Variants in NSUN3 observed in about 807,000 individuals in gnomAD.
NSUN3 encodes NOP2/Sun RNA methyltransferase 3.
NSUN3 carries 24 observed loss-of-function variants against 36.8 expected under a neutral mutation model. The observed-to-expected ratio is 0.65, with a 90% confidence interval of 0.47 to 0.92. The LOEUF (loss-of-function observed/expected upper bound fraction) is 0.92. NSUN3 is among the 40% of genes least tolerant of loss of function. The probability of loss-of-function intolerance (pLI) is 0.00; values close to 1 mark genes in which losing one functional copy is unlikely to be tolerated. For missense variants in NSUN3, 381 were observed against 392.8 expected, an observed-to-expected ratio of 0.97 and a Z score of 0.25; for synonymous variants, 146 against 145.2, an observed-to-expected ratio of 1.01 and a Z score of -0.04.
chr3:94,099,238 T>G (rs889904521), intron 5 of NSUN3, among the ~76,000 whole-genome samples: 5 of 152,208 alleles, frequency 3.3e-5, no homozygotes, highest in Non-Finnish European at 7.3e-5. Context: ...GTTTAGTTTT[T>G]TTTAAATCAT....
chr3:94,083,087 T>C (rs1487450713), intron 2 of NSUN3, among the ~76,000 whole-genome samples: 1 of 151,620 alleles, frequency 6.6e-6, no homozygotes, highest in Non-Finnish European at 1.5e-5. Flanking sequence ...GACTTAGAGG[T>C]ATTTAAAGGC....
chr3:94,100,408 C>T (rs773226281), intron 5 of NSUN3, among the ~76,000 whole-genome samples: 10 of 152,098 alleles, frequency 6.6e-5, no homozygotes, highest in African/African-American at 2.2e-4. Flanking sequence ...ATCTCACTTC[C>T]GTGTGGAATC....
chr3:94,084,090 T>C lies in NSUN3; in HGVS notation c.123-17T>C, dbSNP rs752708109. On this transcript the variant is annotated splice_polypyrimidine_tract_variant and intron_variant, in intron 2 of 5. Transcript: ENST00000314622. ...ATCATATTAATATTCTCTTATTTTC[T>C]CTTTTTCTATTTCTAGGGAGATACT... The C allele has an allele frequency of 1.3e-6, 2 of 1,568,234 alleles. No homozygotes were observed. Among genetic ancestry groups the C allele is most frequent in the Non-Finnish European group, 8.8e-7 (1 of 1,142,632 alleles).
chr3:94,091,237 A>G (rs905488362), intron 3 of NSUN3, among the ~76,000 whole-genome samples: 2 of 152,196 alleles, frequency 1.3e-5, no homozygotes, highest in Non-Finnish European at 2.9e-5. Context: ...CGATGGACAG[A>G]GGGTTGACTC....
At chr3:94,066,560 C>T (rs944764415) in intron 2 of NSUN3, among the ~76,000 whole-genome samples, 1 of 152,040 alleles carries the variant, frequency 6.6e-6, no homozygotes, top group Non-Finnish European at 1.5e-5. Flanking sequence ...TTTTAGTAAC[C>T]TTTCTTGTCT....
chr3:94,121,459 A>G (rs906546487), intron 5 of NSUN3, among the ~76,000 whole-genome samples: 5 of 152,182 alleles, frequency 3.3e-5, no homozygotes, highest in African/African-American at 7.2e-5. Flanking sequence ...GCCTTTTCCC[A>G]TGTAAAATGG....
chr3:94,096,446 A>C (rs571649928), intron 5 of NSUN3, among the ~76,000 whole-genome samples: 1 of 152,160 alleles, frequency 6.6e-6, no homozygotes, highest in Non-Finnish European at 1.5e-5. Context: ...CCTTCTCTAA[A>C]TCATTTTTCT....
intron 3 of NSUN3, among the ~76,000 whole-genome samples, chr3:94,086,280 G>A (rs1415747619): frequency 6.6e-6 from 1 of 152,138 alleles, no homozygotes; most frequent in African/African-American, 2.4e-5. Context: ...AACTGCCCTT[G>A]TTTGATGTTC....
intron 3 of NSUN3, chr3:94,085,140 TAG>T (rs1374752815): frequency 6.6e-6 from 1 of 152,208 alleles, no homozygotes; most frequent in Non-Finnish European, 1.5e-5. Context: ...GAAGAGGGTA[TAG>T]TATTGGACAA....
At chr3:94,124,098 C>CTGTG (rs1227486399) in intron 5 of NSUN3, among the ~76,000 whole-genome samples, 4 of 149,422 alleles carry the variant, frequency 2.7e-5, no homozygotes, top group Non-Finnish European at 5.9e-5. Flanking sequence ...AATAACAAGA[C>CTGTG]TGTGTGGCTT....
intron 3 of NSUN3, among the ~76,000 whole-genome samples, chr3:94,085,586 G>A (rs1218054710): frequency 1.3e-5 from 2 of 152,118 alleles, no homozygotes; most frequent in African/African-American, 4.8e-5. Flanking sequence ...GGAAAACCCT[G>A]TCTGTACAAA....
chr3:94,083,464 G>T (rs535090202), intron 2 of NSUN3, among the ~76,000 whole-genome samples: 114 of 152,308 alleles, frequency 7.5e-4, no homozygotes, highest in African/African-American at 2.7e-3. Context: ...AAATGATGTG[G>T]TGGCCCGCAA....
intron 5 of NSUN3, among the ~76,000 whole-genome samples, chr3:94,110,692 A>G (rs2077412308): frequency 6.6e-6 from 1 of 152,040 alleles, no homozygotes; most frequent in Admixed American, 6.5e-5. Context: ...ATCACTGACT[A>G]TATTAGAGTT....
At chr3:94,088,717 G>A (rs1486283111) in intron 3 of NSUN3, among the ~76,000 whole-genome samples, 1 of 149,908 alleles carries the variant, frequency 6.7e-6, no homozygotes, top group Non-Finnish European at 1.5e-5. Flanking sequence ...CTGTCGCCTA[G>A]GCTGGGGTGC....
At chr3:94,121,429 T>C (rs2077461354) in intron 5 of NSUN3, among the ~76,000 whole-genome samples, 1 of 152,190 alleles carries the variant, frequency 6.6e-6, no homozygotes, top group South Asian at 2.1e-4. Context: ...GGATCCTTAA[T>C]TTAGTCACAT....
chr3:94,104,463 T>A (rs2107262766), intron 5 of NSUN3, among the ~76,000 whole-genome samples: 1 of 152,326 alleles, frequency 6.6e-6, no homozygotes, highest in Non-Finnish European at 1.5e-5. Context: ...GAGGCTGAAT[T>A]GAGGGGCATG....
At position 94,096,438 on chromosome 3, in the gene NSUN3, T is replaced by G. The variant is rs146557893; in HGVS notation, c.743+1284T>G. Among the ~76,000 whole-genome samples, 939 of 152,238 alleles carry G rather than the reference T, an allele frequency of 6.2e-3. 10 individuals carry two copies. Among genetic ancestry groups the G allele is most frequent in the African/African-American group, 0.022 (905 of 41,540 alleles). The stretch of plus-strand genomic sequence containing the variant: ...ATTAGCTTTGAGATGACCTAGACCC[T>G]TCTCTAAATCATTTTTCTCACCTAA... On this transcript the variant is annotated intron_variant, in intron 5 of 5. Transcript: ENST00000314622.
chr3:94,076,913 G>A, intron 2 of NSUN3: 1 of 1,290,002 alleles, frequency 7.8e-7, no homozygotes, highest in African/African-American at 1.5e-5. Context: ...ATCATCATTA[G>A]GGAGTTGCAC....
intron 5 of NSUN3, among the ~76,000 whole-genome samples, chr3:94,123,053 A>G (rs1379318760): frequency 6.6e-6 from 1 of 152,204 alleles, no homozygotes; most frequent in Admixed American, 6.5e-5. Context: ...GATAGATGAG[A>G]CAAGTTGATC....
Sources: allele counts gnomAD v4.1 joint callset (sites outside exome capture counted in the v4.1 genomes callset), GRCh38; gene constraint gnomAD v4.1.1; transcripts MANE v1.5; gene names NCBI Gene and HGNC (gene_info 2026-07-23, HGNC 2026-07-21).